Variants in ZNF516 observed in about 807,000 individuals in gnomAD.
The protein encoded by ZNF516 is zinc finger protein 516.
ZNF516 carries 19 observed loss-of-function variants against 79.7 expected under a neutral mutation model. That is an observed-to-expected ratio of 0.24 (90% CI 0.17 to 0.35). The LOEUF (loss-of-function observed/expected upper bound fraction) is 0.35, where lower values mean the gene tolerates loss of function less well. Ranked by LOEUF, ZNF516 falls within the 10% of genes least tolerant of loss-of-function variation. ZNF516 has a pLI of 1.00. For synonymous variants in ZNF516, 877 were observed against 739.5 expected, an observed-to-expected ratio of 1.19 and a Z score of -3.02; for missense variants, 1,678 against 1,679.5, an observed-to-expected ratio of 1.00 and a Z score of 0.02.
chr18:76,378,043 G>C (rs775791876), intron 4 of ZNF516: 3 of 152,186 alleles, frequency 2.0e-5, no homozygotes, highest in African/African-American at 7.2e-5. Context: ...TCGAAGAACG[G>C]TTAGGACTTC....
chr18:76,456,706 G>GT (rs1433885752), intron 2 of ZNF516, among the ~76,000 whole-genome samples: 1 of 121,010 alleles, frequency 8.3e-6, no homozygotes, highest in Non-Finnish European at 1.6e-5. Flanking sequence ...TCTGGGTAAC[G>GT]TAACTCAGAA....
intron 3 of ZNF516, among the ~76,000 whole-genome samples, chr18:76,433,818 C>A (rs2075694365): frequency 6.6e-6 from 1 of 152,218 alleles, no homozygotes; most frequent in Non-Finnish European, 1.5e-5. Flanking sequence ...CCAACACAGG[C>A]AGGTGCAGAA....
rs1915340427 is a variant in ZNF516 at position 76,493,304 on chromosome 18, A to G, written c.-272+1840T>C. On this transcript the variant is annotated intron_variant, in intron 1 of 6. Coordinates refer to ENST00000443185, the MANE Select transcript of ZNF516 (RefSeq NM_014643.4). This position sits in a 1 kb window ranked among gnomAD's most constrained non-coding sequence, Gnocchi z 5.2. ...GGAGGCGGAAAGGGAGCTCCGAGAA[A>G]GAAGGAGGGGTCATTCCGCGGGGGG... 1 of 161,414 alleles carries G rather than the reference A, an allele frequency of 6.2e-6. No individual in the cohort carries two copies. The highest frequency in any genetic ancestry group is 9.9e-6 in the Non-Finnish European group (1 of 101,372). The allele number at this position is 161,414 out of a possible 1,614,324, so 10.0% of individuals were successfully genotyped here. A position where few individuals can be genotyped will look rare whatever the true frequency, so the allele number is the denominator to read the frequency against.
intron 6 of ZNF516, among the ~76,000 whole-genome samples, chr18:76,363,280 A>T (rs948070886): frequency 1.3e-5 from 2 of 152,206 alleles, no homozygotes; most frequent in African/African-American, 2.4e-5. Flanking sequence ...CTTCAGCTAA[A>T]ATCTTGATGA....
chr18:76,448,207 C>T (rs760846458), intron 2 of ZNF516, among the ~76,000 whole-genome samples: 11 of 152,174 alleles, frequency 7.2e-5, no homozygotes, highest in Non-Finnish European at 1.3e-4. Context: ...TATATTAAGG[C>T]TGCTGCCATA....
intron 1 of ZNF516, among the ~76,000 whole-genome samples, chr18:76,480,094 G>A (rs2145776050): frequency 6.7e-6 from 1 of 149,882 alleles, no homozygotes; most frequent in East Asian, 2.0e-4. Flanking sequence ...GCTGCCAAGT[G>A]GGGCTGGCCC....
At position 76,442,710 on chromosome 18, in the gene ZNF516, G is replaced by T. The variant is rs761506597; in HGVS notation, c.345C>A (p.Ala115=). The T allele has an allele frequency of 6.3e-7, 1 of 1,581,642 alleles. No homozygotes were observed. Among genetic ancestry groups the T allele is most frequent in the South Asian group, 1.1e-5 (1 of 88,242 alleles). ...MRASEGLDAC[A]SPTKSASACN... is the part of the protein sequence containing the mutation. ...AGGCCGAGGCGCTCTTGGTGGGGCT[G>T]GCGCAGGCGTCCAGGCCCTCGGAGG... The change falls in exon 3 of 7, where the codon GCC becomes GCA. Residue 115 remains alanine, a synonymous_variant. Coordinates refer to ENST00000443185, the MANE Select transcript of ZNF516 (RefSeq NM_014643.4).
chr18:76,426,903 A>G (rs1253464246), intron 3 of ZNF516, among the ~76,000 whole-genome samples: 1 of 152,204 alleles, frequency 6.6e-6, no homozygotes, highest in Non-Finnish European at 1.5e-5. Context: ...ACTGACCCCT[A>G]GCGGCTCCTC....
intron 1 of ZNF516, among the ~76,000 whole-genome samples, chr18:76,468,134 A>G (rs975916622): frequency 2.0e-5 from 3 of 152,240 alleles, no homozygotes; most frequent in African/African-American, 7.2e-5. Flanking sequence ...AAAAAGGTTC[A>G]GAAATAGAGA....
At chr18:76,370,698 C>T (rs1342952798) in intron 5 of ZNF516, 103 bp from the exon 6 acceptor site, 2 of 978,202 alleles carry the variant, frequency 2.0e-6, no homozygotes. Context: ...AAAAAGACAC[C>T]AGCGCCTAGC....
At chr18:76,462,311 A>G (rs148364984) in intron 2 of ZNF516, among the ~76,000 whole-genome samples, 76 of 152,226 alleles carry the variant, frequency 5.0e-4, no homozygotes, top group African/African-American at 1.8e-3. Context: ...TGATGACCCA[A>G]TCGATTACTG....
intron 1 of ZNF516, among the ~76,000 whole-genome samples, chr18:76,470,119 C>T (rs1314863066): frequency 6.6e-6 from 1 of 152,204 alleles, no homozygotes; most frequent in East Asian, 1.9e-4. Context: ...AACCAAAACA[C>T]ATTTTTCTAG....
intron 1 of ZNF516, among the ~76,000 whole-genome samples, chr18:76,488,665 A>G (rs118165511): frequency 1.3e-5 from 2 of 152,326 alleles, no homozygotes; most frequent in Middle Eastern, 3.4e-3. Context: ...AAGAAATATG[A>G]CTTCCAAGTT....
In ZNF516 at chr18:76,405,300, C is replaced by T. The variant is rs1599037600; in HGVS notation, c.1811-24997G>A. On this transcript the variant is annotated intron_variant, in intron 3 of 6. Transcript: ENST00000443185. ...CTGGAGTGCAGTGGTGCAATCATAG[C>T]TCACTGCGGGTGTCCTCGACTTCCT... Among the ~76,000 whole-genome samples the T allele has an allele frequency of 2.0e-5, 3 of 152,276 alleles. No homozygotes were observed. The East Asian group carries it at 5.8e-4, about 29-fold the overall frequency.
chr18:76,409,430 G>C (rs947780256), intron 3 of ZNF516, among the ~76,000 whole-genome samples: 1 of 151,982 alleles, frequency 6.6e-6, no homozygotes, highest in Non-Finnish European at 1.5e-5. Flanking sequence ...CAACTAATTT[G>C]CCAATGGAAA....
chr18:76,418,372 C>G (rs1049659161), intron 3 of ZNF516, among the ~76,000 whole-genome samples: 4 of 152,112 alleles, frequency 2.6e-5, no homozygotes, highest in Non-Finnish European at 4.4e-5. Flanking sequence ...CACTGTAACA[C>G]TAACACACAC....
chr18:76,480,509 A>T (rs1914454098), intron 1 of ZNF516, among the ~76,000 whole-genome samples: 1 of 74,264 alleles, frequency 1.3e-5, no homozygotes, highest in South Asian at 5.7e-4. Context: ...ACACACACAC[A>T]CACACACACA....
chr18:76,422,353 C>G (rs112241671), intron 3 of ZNF516, among the ~76,000 whole-genome samples: 3 of 152,308 alleles, frequency 2.0e-5, no homozygotes, highest in African/African-American at 7.2e-5. Context: ...AGGGGCCTGA[C>G]GGATGATGAC....
chr18:76,377,315 C>T (rs1240075612), intron 4 of ZNF516, among the ~76,000 whole-genome samples: 2 of 152,272 alleles, frequency 1.3e-5, no homozygotes, highest in African/African-American at 4.8e-5. Context: ...ACGGCCTCAT[C>T]CTAAAAAGTT....
Sources: allele counts gnomAD v4.1 joint callset (sites outside exome capture counted in the v4.1 genomes callset), GRCh38; gene constraint gnomAD v4.1.1; non-coding constraint Gnocchi (gnomAD v3.1); transcripts MANE v1.5; gene names NCBI Gene and HGNC (gene_info 2026-07-23, HGNC 2026-07-21).